Variants in KIRREL3 observed in about 807,000 individuals in gnomAD.
KIRREL3 encodes the protein kirre like nephrin family adhesion molecule 3.
In KIRREL3, 36 loss-of-function variants were observed where a neutral mutation model predicts 89.7. The observed-to-expected ratio is 0.40, with a 90% confidence interval of 0.31 to 0.53. The LOEUF (loss-of-function observed/expected upper bound fraction) is 0.53. Ranked by LOEUF, KIRREL3 falls within the 20% of genes least tolerant of loss-of-function variation. KIRREL3 has a pLI of 0.49. For missense variants in KIRREL3, 864 were observed against 1,056.6 expected (o/e 0.82, Z 2.53); for synonymous variants, 445 against 441.4 (o/e 1.01, Z -0.10).
intron 2 of KIRREL3, among the ~76,000 whole-genome samples, chr11:126,560,824 G>T (rs530013315): frequency 6.6e-6 from 1 of 152,216 alleles, no homozygotes; most frequent in South Asian, 2.1e-4. Context: ...CCTAGCAACT[G>T]GGAGAAAAAT....
At chr11:126,865,410 T>C (rs956725546) in intron 1 of KIRREL3, among the ~76,000 whole-genome samples, 3 of 152,178 alleles carry the variant, frequency 2.0e-5, no homozygotes, top group African/African-American at 7.2e-5. Context: ...GAGCGGGTCA[T>C]TGATGTGTTT....
Position 126,764,432 on chromosome 11 carries a change from T to G in KIRREL3, c.56-201520A>C, listed in dbSNP as rs1265456545. On this transcript the variant is annotated intron_variant, in intron 1 of 16. Transcript: ENST00000525144. This position sits in a 1 kb window ranked among gnomAD's most constrained non-coding sequence, Gnocchi z 4.2. ...AGGTGGCAGTGTGGATTCAGGGCTG[T>G]GTGGTTCAAGATCAACTTCGCAGAG... is the stretch of plus-strand genomic sequence containing the variant. Among the ~76,000 whole-genome samples the G allele has an allele frequency of 1.3e-5, 2 of 152,140 alleles. No homozygotes were observed. Among genetic ancestry groups the G allele is most frequent in the Admixed American group, 6.5e-5 (1 of 15,270 alleles).
intron 1 of KIRREL3, among the ~76,000 whole-genome samples, chr11:126,700,013 G>A (rs1280521347): frequency 6.6e-6 from 1 of 152,092 alleles, no homozygotes; most frequent in East Asian, 1.9e-4. Context: ...GAGCAACAAA[G>A]TGAGACCCCA....
chr11:126,718,710 T>C (rs1948059892), intron 1 of KIRREL3, among the ~76,000 whole-genome samples: 1 of 152,250 alleles, frequency 6.6e-6, no homozygotes, highest in African/African-American at 2.4e-5. Context: ...TAAGTTAATA[T>C]TTAAGATGGG....
chr11:126,517,188 T>C (rs898207452), intron 4 of KIRREL3, among the ~76,000 whole-genome samples: 2 of 132,720 alleles, frequency 1.5e-5, no homozygotes, highest in African/African-American at 5.6e-5. Flanking sequence ...GTTTAATGTT[T>C]ACAACAATTC....
chr11:126,729,806 A>G lies in KIRREL3; in HGVS notation c.56-166894T>C, dbSNP rs1237250752. Among the ~76,000 whole-genome samples, 2 of 152,160 alleles carry G rather than the reference A, an allele frequency of 1.3e-5. No homozygotes were observed. Among genetic ancestry groups the G allele is most frequent in the African/African-American group, 4.8e-5 (2 of 41,436 alleles). Reference sequence around the variant, plus strand: ...ACAATGGAGGGAGCCCCTGATCATAATCACTAAGAGCACACCATGTTTGCT... The same window carrying G: ...ACAATGGAGGGAGCCCCTGATCATAGTCACTAAGAGCACACCATGTTTGCT... On this transcript the variant is annotated intron_variant, in intron 1 of 16. Coordinates refer to ENST00000525144, the MANE Select transcript of KIRREL3 (RefSeq NM_032531.4). This position sits in a 1 kb window ranked among gnomAD's most constrained non-coding sequence, Gnocchi z 4.5.
intron 1 of KIRREL3, among the ~76,000 whole-genome samples, chr11:126,882,901 A>G (rs1945558203): frequency 6.6e-6 from 1 of 152,170 alleles, no homozygotes; most frequent in South Asian, 2.1e-4. Context: ...CCTCACCTCC[A>G]TGAATATGAC....
rs1948958061 is a variant in KIRREL3 at position 126,740,872 on chromosome 11, A to G, written c.56-177960T>C. Among the ~76,000 whole-genome samples the G allele has an allele frequency of 6.6e-6, 1 of 152,206 alleles. No homozygotes were observed. Among genetic ancestry groups the G allele is most frequent in the Non-Finnish European group, 1.5e-5 (1 of 68,034 alleles). ...CTTGGAAAAAGCCACTCACTGAGAA[A>G]GAAGATATCCATTGTTCCATGAGAG... On this transcript the variant is annotated intron_variant, in intron 1 of 16. Transcript: ENST00000525144. The surrounding 1 kb of genome is among the most constrained non-coding windows in gnomAD (Gnocchi z 6.0).
intron 1 of KIRREL3, among the ~76,000 whole-genome samples, chr11:126,743,179 A>G (rs1949036211): frequency 6.6e-6 from 1 of 152,052 alleles, no homozygotes; most frequent in African/African-American, 2.4e-5. Flanking sequence ...ACAAACAAAA[A>G]AAACAGCACA....
At chr11:126,865,681 G>T (rs1416601851) in intron 1 of KIRREL3, among the ~76,000 whole-genome samples, 3 of 152,216 alleles carry the variant, frequency 2.0e-5, no homozygotes, top group Non-Finnish European at 4.4e-5. Context: ...GACCCTGAGG[G>T]ATCGACGAAG....
At chr11:126,440,277 G>A in intron 11 of KIRREL3, 172 bp downstream of exon 11, 1 of 714,442 alleles carries the variant, frequency 1.4e-6, no homozygotes, top group South Asian at 1.5e-5. Context: ...AGAAAGGCCT[G>A]CAATTGTGTC....
chr11:126,943,634 G>A lies in KIRREL3; in HGVS notation c.55+56821C>T, dbSNP rs1267091148. Reference sequence around the variant, plus strand: ...AGCATAAGTGCCATCCGGGGTAGAAGGCAGGGAAAGGGCATGACTGCAGGG... The same window carrying A: ...AGCATAAGTGCCATCCGGGGTAGAAAGCAGGGAAAGGGCATGACTGCAGGG... On this transcript the variant is annotated intron_variant, in intron 1 of 16. Coordinates refer to ENST00000525144, the MANE Select transcript of KIRREL3 (RefSeq NM_032531.4). The surrounding 1 kb of genome is among the most constrained non-coding windows in gnomAD (Gnocchi z 4.2). 6.6e-6 allele frequency among the ~76,000 whole-genome samples: 1 copy of A among 152,202 alleles called. No homozygotes were observed. Among genetic ancestry groups the A allele is most frequent in the Non-Finnish European group, 1.5e-5 (1 of 68,044 alleles).
intron 1 of KIRREL3, among the ~76,000 whole-genome samples, chr11:126,968,915 C>T (rs1949354753): frequency 6.6e-6 from 1 of 152,146 alleles, no homozygotes. Flanking sequence ...TCAGTTCCCT[C>T]ATCTGTAAAA....
At chr11:126,951,747 G>C (rs1308226526) in intron 1 of KIRREL3, among the ~76,000 whole-genome samples, 2 of 152,182 alleles carry the variant, frequency 1.3e-5, no homozygotes, top group Admixed American at 1.3e-4. Context: ...CTGGAGCCAA[G>C]GTAACCAGAA....
Position 126,523,204 on chromosome 11 carries a change from G to A in KIRREL3, c.284-1740C>T, listed in dbSNP as rs1379259955. 1.3e-4 allele frequency among the ~76,000 whole-genome samples: 20 copies of A among 152,136 alleles called. No homozygotes were observed. Among genetic ancestry groups the A allele is most frequent in the Non-Finnish European group, 2.9e-4 (20 of 68,034 alleles). Reference sequence around the variant, plus strand: ...TGTAGTGAGGTCCCCATCACTGGCTGTATTCAAGCAGAGGTTGGATGATCG... The same window carrying A: ...TGTAGTGAGGTCCCCATCACTGGCTATATTCAAGCAGAGGTTGGATGATCG... On this transcript the variant is annotated intron_variant, in intron 3 of 16. Coordinates refer to ENST00000525144, the MANE Select transcript of KIRREL3 (RefSeq NM_032531.4). The surrounding 1 kb of genome is among the most constrained non-coding windows in gnomAD (Gnocchi z 4.9).
At position 126,704,894 on chromosome 11, in the gene KIRREL3, C is replaced by T. The variant is rs1001670439; in HGVS notation, c.56-141982G>A. On this transcript the variant is annotated intron_variant, in intron 1 of 16. Transcript: ENST00000525144. The surrounding 1 kb of genome is among the most constrained non-coding windows in gnomAD (Gnocchi z 4.2). The stretch of plus-strand genomic sequence containing the variant: ...CAGTATTCTCCTCCTGCGACCATGC[C>T]ATGGGATGAAAGCCTCTGCCCTGTA... Among the ~76,000 whole-genome samples, 1 of 152,190 alleles carries T rather than the reference C, an allele frequency of 6.6e-6. No homozygotes were observed. The highest frequency in any genetic ancestry group is 6.5e-5 in the Admixed American group (1 of 15,284).
intron 1 of KIRREL3, among the ~76,000 whole-genome samples, chr11:126,757,455 T>C (rs1474357262): frequency 1.3e-5 from 2 of 152,096 alleles, no homozygotes; most frequent in Non-Finnish European, 2.9e-5. Context: ...TCCTAAGCAA[T>C]GTGGGAAAGG....
In KIRREL3 at chr11:126,703,574, C is replaced by T. The variant is rs368305022; in HGVS notation, c.56-140662G>A. The stretch of plus-strand genomic sequence containing the variant: ...GTGATCGGTCAGAGGTCAGTCAGAT[C>T]GGGAGTGATGGGGCTGTAATCCAAA... On this transcript the variant is annotated intron_variant, in intron 1 of 16. Transcript: ENST00000525144. The surrounding 1 kb of genome is among the most constrained non-coding windows in gnomAD (Gnocchi z 4.6). Among the ~76,000 whole-genome samples the T allele has an allele frequency of 2.6e-5, 4 of 152,188 alleles. No individual in the cohort carries two copies. The highest frequency in any genetic ancestry group is 2.0e-4 in the Admixed American group (3 of 15,278).
At position 126,725,778 on chromosome 11, in the gene KIRREL3, AG is replaced by A. The variant is rs1948357072; in HGVS notation, c.56-162867del. Among the ~76,000 whole-genome samples, 4 of 152,304 alleles carry A rather than the reference AG, an allele frequency of 2.6e-5. No homozygotes were observed. The South Asian group carries it at 6.2e-4, about 24-fold the overall frequency. Reference sequence around the variant, plus strand: ...GTCCAGTCTGCACAAAGGCAGGGCCAGGGACTACAGAGAGCATGGGGGGAGG... The same window carrying A: ...GTCCAGTCTGCACAAAGGCAGGGCCAGGACTACAGAGAGCATGGGGGGAGG... On this transcript the variant is annotated intron_variant, in intron 1 of 16. Coordinates refer to ENST00000525144, the MANE Select transcript of KIRREL3 (RefSeq NM_032531.4).
Sources: gnomAD v4.1 joint callset for allele counts (sites outside exome capture counted in the v4.1 genomes callset) on GRCh38, gnomAD v4.1.1 for gene constraint, Gnocchi (gnomAD v3.1) non-coding constraint, MANE v1.5 for transcripts, NCBI Gene and HGNC (gene_info 2026-07-23, HGNC 2026-07-21) for gene names.